MON1B: variants seen among roughly 807,000 people sequenced by gnomAD.
MON1B encodes MON1 vesicular trafficking associated B.
Under a neutral mutation model 45.1 loss-of-function variants are expected in MON1B, and 26 were observed. The observed-to-expected ratio is 0.58, with a 90% CI of 0.42 to 0.80. The LOEUF is 0.80. MON1B is among the 30% of genes least tolerant of loss of function. MON1B has a pLI of 0.00. For synonymous variants in MON1B, 395 were observed against 320.2 expected (o/e 1.23, Z -2.49); for missense variants, 737 against 754.5 (o/e 0.98, Z 0.27).
rs537531801 is a variant in MON1B, at chr16:77,197,697, G to C, written c.1444-411G>C. On this transcript the variant is annotated intron_variant, in intron 5 of 5. Coordinates refer to ENST00000248248, the MANE Select transcript of MON1B (RefSeq NM_014940.4). ...AGGCGCTAGTGACCTTGTGGGGTCA[G>C]GCCTCTCCATGTGGTATGAGGCATA... Among the ~76,000 whole-genome samples, 5 of 152,272 alleles carry C rather than the reference G, an allele frequency of 3.3e-5. No homozygotes were observed. The South Asian group carries it at 8.3e-4, about 25-fold the overall frequency.
In MON1B at chr16:77,194,407, C is replaced by T. The variant is rs1427949636; in HGVS notation, c.548C>T (p.Ala183Val). ...GCCATGTCACGGACTTCTCAGTCAGCAGCCCAGCTGCGGGGGGAGCTGCTA... is the reference window on the plus strand; with the variant it reads ...GCCATGTCACGGACTTCTCAGTCAGTAGCCCAGCTGCGGGGGGAGCTGCTA... ...LVAMSRTSQS[A>V]AQLRGELLAV... The change falls in exon 4 of 6, where the codon GCA (alanine) becomes GTA (valine). Residue 183 changes from alanine to valine, a missense_variant. Physicochemically the swap from Ala to Val is moderately conservative, Grantham distance 64. Coordinates refer to ENST00000248248, the MANE Select transcript of MON1B (RefSeq NM_014940.4). The surrounding 1 kb of genome is among the most constrained non-coding windows in gnomAD (Gnocchi z 8.1). The T allele has an allele frequency of 5.0e-6, 8 of 1,613,482 alleles. No individual in the cohort carries two copies. The highest frequency in any genetic ancestry group is 2.2e-5 in the East Asian group (1 of 44,870).
In MON1B at chr16:77,199,340, C is replaced by T. The variant is rs1478436496; in HGVS notation, c.*1032C>T. ...CCAGAGCTGACTCCTGATTTAACCGCTGGCGTAACCGCGGGTTGCACGCAT... is the reference window on the plus strand; with the variant it reads ...CCAGAGCTGACTCCTGATTTAACCGTTGGCGTAACCGCGGGTTGCACGCAT... On this transcript the variant is annotated 3_prime_UTR_variant, in exon 6 of 6. Coordinates refer to ENST00000248248, the MANE Select transcript of MON1B (RefSeq NM_014940.4). 5 of 1,061,718 alleles carry T rather than the reference C, an allele frequency of 4.7e-6. No individual in the cohort carries two copies. Among genetic ancestry groups the T allele is most frequent in the Non-Finnish European group, 6.9e-6 (5 of 724,016 alleles). The allele number at this position is 1,061,718 out of a possible 1,614,324, so 65.8% of individuals were successfully genotyped here. A position where few individuals can be genotyped will look rare whatever the true frequency, so the allele number is the denominator to read the frequency against.
chr16:77,196,859 A>C (rs774120640), intron 5 of MON1B, among the ~76,000 whole-genome samples: 19 of 152,130 alleles, frequency 1.2e-4, no homozygotes, highest in Non-Finnish European at 5.9e-5. Flanking sequence ...ATTTTTCTTT[A>C]ATTCAGTGAG....
rs756511600 is a variant in MON1B, at chr16:77,200,629, G to C, written c.*2321G>C. ...AAATTGTCCGGGTGTGGTGGCGGGC[G>C]CCTGTAGTCCCAGCTACTGGGGAGG... On this transcript the variant is annotated 3_prime_UTR_variant, in exon 6 of 6. Transcript: ENST00000248248. 2 of 151,656 alleles carry C rather than the reference G, an allele frequency of 1.3e-5. No homozygotes were observed. Among genetic ancestry groups the C allele is most frequent in the African/African-American group, 4.9e-5 (2 of 41,222 alleles). The allele number at this position is 151,656 out of a possible 1,614,324, so 9.4% of individuals were successfully genotyped here. A position where few individuals can be genotyped will look rare whatever the true frequency, so the allele number is the denominator to read the frequency against.
intron 4 of MON1B, 78 bp downstream of exon 4, chr16:77,195,232 C>G: frequency 7.5e-7 from 1 of 1,333,020 alleles, no homozygotes; most frequent in Non-Finnish European, 1.0e-6. Context: ...AGGGATGTGA[C>G]TCAGGAGAGA....
chr16:77,199,373 G>C lies in MON1B; in HGVS notation c.*1065G>C, dbSNP rs2054703271. 2.1e-6 allele frequency: 3 copies of C among 1,453,278 alleles called. No individual in the cohort carries two copies. The highest frequency in any genetic ancestry group is 2.8e-6 in the Non-Finnish European group (3 of 1,062,478). The allele number at this position is 1,453,278 out of a possible 1,614,324, so 90.0% of individuals were successfully genotyped here. ...ACCGCGGGTTGCACGCATGCGTGCT[G>C]AAAAGCCTTTCACCCTCACGTGGTT... On this transcript the variant is annotated 3_prime_UTR_variant, in exon 6 of 6. Coordinates refer to ENST00000248248, the MANE Select transcript of MON1B (RefSeq NM_014940.4).
Position 77,194,419 on chromosome 16 carries a change from G to A in MON1B, c.560G>A (p.Arg187Gln), listed in dbSNP as rs781298641. Reference protein sequence around the residue: ...SRTSQSAAQLRGELLAVHAQI... With the variant: ...SRTSQSAAQLQGELLAVHAQI... ...ACTTCTCAGTCAGCAGCCCAGCTGCGGGGGGAGCTGCTAGCTGTGCACGCA... is the reference window on the plus strand; with the variant it reads ...ACTTCTCAGTCAGCAGCCCAGCTGCAGGGGGAGCTGCTAGCTGTGCACGCA... Residue 187 changes from arginine to glutamine, a missense_variant, in exon 4 of 6, where the codon CGG (arginine) becomes CAG (glutamine). By Grantham distance (43) the Arg-to-Gln change is conservative. Coordinates refer to ENST00000248248, the MANE Select transcript of MON1B (RefSeq NM_014940.4). This position sits in a 1 kb window ranked among gnomAD's most constrained non-coding sequence, Gnocchi z 8.1. 14 of 1,613,598 alleles carry A rather than the reference G, an allele frequency of 8.7e-6. No homozygotes were observed. Among genetic ancestry groups the A allele is most frequent in the Middle Eastern group, 1.6e-4 (1 of 6,082 alleles).
At chr16:77,196,394 G>A (rs1024848402) in intron 5 of MON1B, among the ~76,000 whole-genome samples, 1 of 152,156 alleles carries the variant, frequency 6.6e-6, no homozygotes, top group Non-Finnish European at 1.5e-5. Context: ...GAGTTATAAA[G>A]GGCGTGGTGA....
At chr16:77,196,798 T>G (rs2054669770) in intron 5 of MON1B, among the ~76,000 whole-genome samples, 1 of 152,036 alleles carries the variant, frequency 6.6e-6, no homozygotes, top group African/African-American at 2.4e-5. Flanking sequence ...GAATAACTTT[T>G]CCTTCTCCTA....
At chr16:77,191,737 G>C (rs983773039) in intron 2 of MON1B, 104 bp downstream of exon 2, 1 of 1,356,322 alleles carries the variant, frequency 7.4e-7, no homozygotes. Context: ...TGGGACTTAA[G>C]AGAAGTGGCT....
Position 77,198,087 on chromosome 16 carries a change from T to C in MON1B, c.1444-21T>C, listed in dbSNP as rs181813955. On this transcript the variant is annotated intron_variant, in intron 5 of 5. Transcript: ENST00000248248. ...TAGCCAGCTCTGGCCCATCTGACTC[T>C]GTCTCCTCCGAAACCCCCAGGTGAC... The C allele has an allele frequency of 5.0e-6, 8 of 1,611,492 alleles. No homozygotes were observed. In the Admixed American group the frequency reaches 5.0e-5, roughly 10 times the overall value.
Position 77,193,424 on chromosome 16 carries a change from G to C in MON1B, c.149-27G>C. The C allele has an allele frequency of 6.5e-7, 1 of 1,528,272 alleles. No individual in the cohort carries two copies. Among genetic ancestry groups the C allele is most frequent in the Middle Eastern group, 1.8e-4 (1 of 5,632 alleles). 94.7% of individuals were successfully genotyped at this position (1,528,272 alleles called of 1,614,324 possible). On this transcript the variant is annotated intron_variant, in intron 2 of 5. Coordinates refer to ENST00000248248, the MANE Select transcript of MON1B (RefSeq NM_014940.4). This position sits in a 1 kb window ranked among gnomAD's most constrained non-coding sequence, Gnocchi z 5.0. ...GGGATTAGTTAGGAGTTCACATGCA[G>C]ATGACCCACCAGGGGCTCCCTTTCA...
chr16:77,195,772 CA>C (rs1190736037), intron 5 of MON1B, 90 bp downstream of exon 5: 6 of 1,493,530 alleles, frequency 4.0e-6, no homozygotes, highest in Non-Finnish European at 5.5e-6. Flanking sequence ...GTGCCTCCAC[CA>C]AACACAGCAG....
chr16:77,193,383 G>C lies in MON1B; in HGVS notation c.149-68G>C. 7.0e-7 allele frequency: 1 copy of C among 1,429,926 alleles called. No individual in the cohort carries two copies. Among genetic ancestry groups the C allele is most frequent in the Admixed American group, 2.3e-5 (1 of 43,904 alleles). The allele number at this position is 1,429,926 out of a possible 1,614,324, so 88.6% of individuals were successfully genotyped here. On this transcript the variant is annotated intron_variant, in intron 2 of 5. Coordinates refer to ENST00000248248, the MANE Select transcript of MON1B (RefSeq NM_014940.4). The surrounding 1 kb of genome is among the most constrained non-coding windows in gnomAD (Gnocchi z 5.0). Reference sequence around the variant, plus strand: ...ATGGAGGGGCTAGTAGATATTTGGTGGGTCCTTGGGGATGTGGGATTAGTT... The same window carrying C: ...ATGGAGGGGCTAGTAGATATTTGGTCGGTCCTTGGGGATGTGGGATTAGTT...
chr16:77,195,398 A>G, intron 4 of MON1B, 137 bp from the exon 5 acceptor site: 2 of 1,211,628 alleles, frequency 1.7e-6, no homozygotes, highest in Non-Finnish European at 1.1e-6. Context: ...TCAGCCTCCA[A>G]CCCCTGAGAA....
chr16:77,198,530 TC>T lies in MON1B; in HGVS notation c.*224del. On this transcript the variant is annotated 3_prime_UTR_variant, in exon 6 of 6. Coordinates refer to ENST00000248248, the MANE Select transcript of MON1B (RefSeq NM_014940.4). ...TCATGCACCTCCCCCTCTGGGGAAA[TC>T]CTTAGGCCTCCCTCTCCCTTCCCTC... The T allele has an allele frequency of 1.7e-6, 1 of 581,282 alleles. No individual in the cohort carries two copies. The highest frequency in any genetic ancestry group is 2.0e-5 in the South Asian group (1 of 49,926). 36.0% of individuals were successfully genotyped at this position (581,282 alleles called of 1,614,324 possible).
rs374361534 is a variant in MON1B at position 77,195,529 on chromosome 16, T to C, written c.1296-6T>C. On this transcript the variant is annotated splice_polypyrimidine_tract_variant and splice_region_variant and intron_variant, in intron 4 of 5. Coordinates refer to ENST00000248248, the MANE Select transcript of MON1B (RefSeq NM_014940.4). Reference sequence around the variant, plus strand: ...CCTTGTCCTCCACCTCCCTCCATCATGGCAGCCCTGAGCTAGAGGCCCCCT... The same window carrying C: ...CCTTGTCCTCCACCTCCCTCCATCACGGCAGCCCTGAGCTAGAGGCCCCCT... The C allele has an allele frequency of 1.9e-6, 3 of 1,611,414 alleles. No homozygotes were observed. The highest frequency in any genetic ancestry group is 2.5e-6 in the Non-Finnish European group (3 of 1,178,404).
rs1423021878 is a variant in MON1B, at chr16:77,201,164, A to C, written c.*2856A>C. 6.6e-6 allele frequency: 1 copy of C among 152,208 alleles called. No individual in the cohort carries two copies. Among genetic ancestry groups the C allele is most frequent in the Non-Finnish European group, 1.5e-5 (1 of 68,038 alleles). 9.4% of individuals were successfully genotyped at this position (152,208 alleles called of 1,614,324 possible). On this transcript the variant is annotated 3_prime_UTR_variant, in exon 6 of 6. Transcript: ENST00000248248. Reference sequence around the variant, plus strand: ...TAAAGTAAGTGCTCAGTAATTTTTTAATGTGTGACCAATGAAATAACTTCA... The same window carrying C: ...TAAAGTAAGTGCTCAGTAATTTTTTCATGTGTGACCAATGAAATAACTTCA...
In MON1B at chr16:77,195,636, T is replaced by C. The variant is rs952235757; in HGVS notation, c.1397T>C (p.Leu466Pro). Reference protein sequence around the residue: ...HARLHSTSRPLRLIYHVAEKE... With the variant: ...HARLHSTSRPPRLIYHVAEKE... ...CGTCTCCACAGCACCTCCCGACCCC[T>C]GCGCCTCATTTACCACGTGGCTGAG... Residue 466 changes from leucine to proline, a missense_variant, in exon 5 of 6, where the codon CTG becomes CCG. Transcript: ENST00000248248. 20 of 1,614,008 alleles carry C rather than the reference T, an allele frequency of 1.2e-5. No individual in the cohort carries two copies. Among genetic ancestry groups the C allele is most frequent in the African/African-American group, 2.7e-5 (2 of 74,908 alleles).
Sources: gnomAD v4.1 joint callset for allele counts (sites outside exome capture counted in the v4.1 genomes callset) on GRCh38, gnomAD v4.1.1 for gene constraint, Gnocchi (gnomAD v3.1) non-coding constraint, MANE v1.5 for transcripts, NCBI Gene and HGNC (gene_info 2026-07-23, HGNC 2026-07-21) for gene names.